STK24: variants seen among roughly 807,000 people sequenced by gnomAD.
STK24 encodes the protein serine/threonine kinase 24.
STK24 carries 21 observed loss-of-function variants against 55.6 expected under a neutral mutation model. The observed-to-expected ratio is 0.38, with a 90% CI of 0.27 to 0.54. The LOEUF (loss-of-function observed/expected upper bound fraction) is 0.54. Ranked by LOEUF, STK24 falls within the 20% of genes least tolerant of loss-of-function variation. The pLI, the probability that STK24 is intolerant of heterozygous loss-of-function variation, is 0.79. For synonymous variants in STK24, 200 were observed against 215.2 expected, an observed-to-expected ratio of 0.93 and a Z score of 0.62; for missense variants, 383 against 538.4, an observed-to-expected ratio of 0.71 and a Z score of 2.86.
At chr13:98,472,223 C>T (rs1036257934) in intron 5 of STK24, among the ~76,000 whole-genome samples, 2 of 152,232 alleles carry the variant, frequency 1.3e-5, no homozygotes, top group East Asian at 1.9e-4. Context: ...AACTTTGAGA[C>T]GCAGACACAG....
chr13:98,466,240 A>G, intron 6 of STK24, 136 bp downstream of exon 6: 3 of 788,136 alleles, frequency 3.8e-6, no homozygotes, highest in African/African-American at 1.8e-5. Flanking sequence ...AGTCAATCAT[A>G]CTTACTTAGA....
At chr13:98,476,382 TTCCCCCAAATCATGG>T (rs565961533) in intron 3 of STK24, among the ~76,000 whole-genome samples, 18 of 152,226 alleles carry the variant, frequency 1.2e-4, no homozygotes, top group East Asian at 9.6e-4. Context: ...GCAGGTAGGG[TTCCCCCAAATCATGG>T]TCCCCCATTC....
chr13:98,569,571 T>TTCC (rs1205565768), intron 1 of STK24, among the ~76,000 whole-genome samples: 4 of 152,254 alleles, frequency 2.6e-5, no homozygotes, highest in African/African-American at 7.2e-5. Context: ...CCACCCGAAC[T>TTCC]TCCTAAGACA....
chr13:98,500,575 A>C (rs1304743477), intron 2 of STK24, among the ~76,000 whole-genome samples: 1 of 152,154 alleles, frequency 6.6e-6, no homozygotes, highest in East Asian at 1.9e-4. Context: ...ATCTCAAAGA[A>C]TGGGACTCCT....
Position 98,542,152 on chromosome 13 carries a change from G to A in STK24, c.43-22679C>T, listed in dbSNP as rs1896905596. 2.6e-5 allele frequency among the ~76,000 whole-genome samples: 4 copies of A among 152,144 alleles called. No individual in the cohort carries two copies. The South Asian group carries it at 8.3e-4, about 31-fold the overall frequency. On this transcript the variant is annotated intron_variant, in intron 1 of 10. Transcript: ENST00000539966. ...AAGACTGCGTTATTTTCTGGACATG[G>A]TAATCAGCTCTCATGATTTAATACT...
chr13:98,508,562 T>C (rs1376238687), intron 2 of STK24, among the ~76,000 whole-genome samples: 1 of 152,126 alleles, frequency 6.6e-6, no homozygotes, highest in Non-Finnish European at 1.5e-5. Flanking sequence ...GGACAGAAGA[T>C]GAGATCTTTC....
At chr13:98,546,676 G>C (rs1012960208) in intron 1 of STK24, among the ~76,000 whole-genome samples, 1 of 152,128 alleles carries the variant, frequency 6.6e-6, no homozygotes, top group Non-Finnish European at 1.5e-5. Context: ...ACGCAGGTGG[G>C]GCAGCCCCTA....
chr13:98,557,970 C>G (rs144644712), intron 1 of STK24, among the ~76,000 whole-genome samples: 2 of 152,322 alleles, frequency 1.3e-5, no homozygotes, highest in Non-Finnish European at 2.9e-5. Context: ...CCATTGTTTC[C>G]TTTATTAATC....
At chr13:98,576,221 C>G in intron 1 of STK24, 1 of 985,608 alleles carries the variant, frequency 1.0e-6, no homozygotes, top group Non-Finnish European at 1.2e-6. Context: ...CCACTCCACC[C>G]TGCCTACTCC....
intron 2 of STK24, among the ~76,000 whole-genome samples, chr13:98,500,648 G>A (rs974882777): frequency 5.4e-5 from 5 of 91,802 alleles, no homozygotes; most frequent in Admixed American, 1.7e-4. Flanking sequence ...CGTGACCATC[G>A]GCTCGCCAGT....
At chr13:98,576,427 G>A (rs1897894704) in intron 1 of STK24, among the ~76,000 whole-genome samples, 1 of 152,058 alleles carries the variant, frequency 6.6e-6, no homozygotes, top group African/African-American at 2.4e-5. Flanking sequence ...CCGGGGACAG[G>A]GCCACCCAGG....
intron 5 of STK24, among the ~76,000 whole-genome samples, chr13:98,469,456 G>A (rs1392943665): frequency 6.6e-6 from 1 of 152,062 alleles, no homozygotes; most frequent in Non-Finnish European, 1.5e-5. Flanking sequence ...GGCTGAGGCA[G>A]GAGAATCATT....
chr13:98,535,368 A>ATATAT (rs1435858776), intron 1 of STK24, among the ~76,000 whole-genome samples: 146 of 48,972 alleles, frequency 3.0e-3, no homozygotes, highest in South Asian at 0.011. Flanking sequence ...AAACAAAAAA[A>ATATAT]AAATATATAT....
chr13:98,516,329 C>G (rs1296263394), intron 2 of STK24, among the ~76,000 whole-genome samples: 1 of 152,228 alleles, frequency 6.6e-6, no homozygotes, highest in Non-Finnish European at 1.5e-5. Context: ...AAAGGACAAT[C>G]TGCTTAGTAA....
intron 1 of STK24, among the ~76,000 whole-genome samples, chr13:98,570,295 C>A (rs1897705937): frequency 6.6e-6 from 1 of 152,192 alleles, no homozygotes; most frequent in African/African-American, 2.4e-5. Context: ...CAGCTGCTAT[C>A]TTTCCCAACC....
intron 1 of STK24, among the ~76,000 whole-genome samples, chr13:98,528,635 T>C (rs781703715): frequency 2.6e-5 from 4 of 152,242 alleles, no homozygotes; most frequent in South Asian, 4.1e-4. Flanking sequence ...AAGTATTTTA[T>C]ATTTTTAAAC....
chr13:98,567,816 A>C (rs982890282), intron 1 of STK24, among the ~76,000 whole-genome samples: 50 of 152,088 alleles, frequency 3.3e-4, no homozygotes, highest in African/African-American at 1.2e-3. Context: ...AGCAGCATCT[A>C]ATTGGGTCAA....
chr13:98,505,552 G>A (rs1260326191), intron 2 of STK24, among the ~76,000 whole-genome samples: 3 of 152,196 alleles, frequency 2.0e-5, no homozygotes, highest in African/African-American at 7.2e-5. Context: ...AGAGTCATTA[G>A]ACCCAATTGA....
intron 1 of STK24, among the ~76,000 whole-genome samples, chr13:98,563,592 C>T (rs1261280172): frequency 2.0e-5 from 3 of 152,156 alleles, no homozygotes; most frequent in South Asian, 2.1e-4. Flanking sequence ...GGCGTGGTGG[C>T]TCACGCCTGT....
Sources: gnomAD v4.1 joint callset for allele counts (sites outside exome capture counted in the v4.1 genomes callset) on GRCh38, gnomAD v4.1.1 for gene constraint, MANE v1.5 for transcripts, NCBI Gene and HGNC (gene_info 2026-07-23, HGNC 2026-07-21) for gene names.